Variants in TMCC3 observed in about 807,000 individuals in gnomAD.
The protein encoded by TMCC3 is transmembrane and coiled-coil domain protein 3.
TMCC3 carries 28 observed loss-of-function variants against 40.2 expected under a neutral mutation model. The ratio of observed to expected loss-of-function variants is 0.70; its 90% CI spans 0.52 to 0.95. The LOEUF (loss-of-function observed/expected upper bound fraction) is 0.95. Among genes scored for constraint, TMCC3 ranks in the 40% least tolerant of loss-of-function variants. The pLI, the probability that TMCC3 is intolerant of heterozygous loss-of-function variation, is 0.00. For synonymous variants in TMCC3, 255 were observed against 248.5 expected (o/e 1.03, Z -0.25); for missense variants, 554 against 615.2 (o/e 0.90, Z 1.05).
In TMCC3 at chr12:94,582,204, C is replaced by T. The variant is rs768980566; in HGVS notation, c.413G>A (p.Arg138Gln). The T allele has an allele frequency of 8.1e-6, 13 of 1,614,154 alleles. No homozygotes were observed. Among genetic ancestry groups the T allele is most frequent in the African/African-American group, 1.3e-5 (1 of 75,026 alleles). ...QLQKKLEQYH[R>Q]KLREIEQNGA... ...ATTCTGCTCGATCTCTCTGAGCTTT[C>T]GATGATACTGCTCTAACTTCTTCTG... Residue 138 changes from arginine to glutamine, a missense_variant, in exon 2 of 4, where the codon CGA (arginine) becomes CAA (glutamine). Transcript: ENST00000261226.
intron 1 of TMCC3, among the ~76,000 whole-genome samples, chr12:94,592,916 G>A (rs1226123467): frequency 1.3e-5 from 2 of 151,946 alleles, no homozygotes; most frequent in Middle Eastern, 3.2e-3. Flanking sequence ...ATTATCTTCG[G>A]CCAGGCGCGG....
intron 1 of TMCC3, among the ~76,000 whole-genome samples, chr12:94,597,120 A>AAAAAAAAAAATATATATATATAT (rs2068719307): frequency 1.8e-4 from 1 of 5,486 alleles, no homozygotes; most frequent in African/African-American, 4.5e-4. Flanking sequence ...TCTCTATTAA[A>AAAAAAAAAAATATATATATATAT]ATACATATAT....
chr12:94,628,162 A>C (rs567494983), intron 1 of TMCC3, among the ~76,000 whole-genome samples: 296 of 152,340 alleles, frequency 1.9e-3, no homozygotes, highest in Non-Finnish European at 3.0e-3. Flanking sequence ...AAGGTGCCCG[A>C]GTGACTCCTT....
At chr12:94,607,732 C>T (rs1327849880) in intron 1 of TMCC3, among the ~76,000 whole-genome samples, 1 of 152,122 alleles carries the variant, frequency 6.6e-6, no homozygotes, top group Non-Finnish European at 1.5e-5. Flanking sequence ...TAATTAGATG[C>T]CAAGGATTGC....
intron 1 of TMCC3, among the ~76,000 whole-genome samples, chr12:94,637,452 T>C (rs12314849): frequency 0.37 from 55,687 of 152,112 alleles, 10,284 homozygotes; most frequent in East Asian, 0.4. Context: ...GTTGAAAACA[T>C]GCTGTGTCCG....
intron 1 of TMCC3, among the ~76,000 whole-genome samples, chr12:94,596,078 T>A (rs902387677): frequency 1.3e-5 from 2 of 152,214 alleles, no homozygotes; most frequent in African/African-American, 4.8e-5. Context: ...TTCCCTAAAG[T>A]GTGAAATACT....
rs10545928 is a variant in TMCC3 at position 94,599,556 on chromosome 12, ACC to A, written c.79-17020_79-17019del. 3.4e-4 allele frequency among the ~76,000 whole-genome samples: 24 copies of A among 69,570 alleles called. No homozygotes were observed. In the South Asian group the frequency reaches 8.3e-3, roughly 24 times the overall value. 45.6% of individuals were successfully genotyped at this position (69,570 alleles called of 152,430 possible). A position where few individuals can be genotyped will look rare whatever the true frequency, so the allele number is the denominator to read the frequency against. ...ACAGGAAAGATAATTTTTAAAAGATACCCCCCCCCCCGCCCACACACACACAC... is the reference window on the plus strand; with the variant it reads ...ACAGGAAAGATAATTTTTAAAAGATACCCCCCCCCGCCCACACACACACAC... On this transcript the variant is annotated intron_variant, in intron 1 of 3. Transcript: ENST00000261226.
intron 1 of TMCC3, among the ~76,000 whole-genome samples, chr12:94,602,729 A>T (rs997932098): frequency 2.0e-5 from 3 of 152,162 alleles, no homozygotes; most frequent in Non-Finnish European, 4.4e-5. Context: ...CCGAGGCTAC[A>T]GGAGTGCACC....
At chr12:94,599,556 A>AAACCCC (rs2068739134) in intron 1 of TMCC3, among the ~76,000 whole-genome samples, 1 of 69,508 alleles carries the variant, frequency 1.4e-5, no homozygotes. Flanking sequence ...TTTAAAAGAT[A>AAACCCC]CCCCCCCCCC....
At chr12:94,599,559 C>G (rs534845715) in intron 1 of TMCC3, among the ~76,000 whole-genome samples, 11 of 94,458 alleles carry the variant, frequency 1.2e-4, no homozygotes, top group Admixed American at 6.8e-4. Context: ...AAAAGATACC[C>G]CCCCCCCCGC....
rs144103900 is a variant in TMCC3 at position 94,582,311 on chromosome 12, G to A, written c.306C>T (p.Asn102=). 1.6e-4 allele frequency: 266 copies of A among 1,613,880 alleles called. No homozygotes were observed. The highest frequency in any genetic ancestry group is 2.0e-4 in the Non-Finnish European group (231 of 1,180,006). ...TACGTCCCGCCTGCTGCTTGTCTGC[G>A]TTGTTCACTAGTTTCAGATACTCCG... ...NVAEYLKLVN[N]ADKQQAGRIK... is the part of the protein sequence containing the mutation. The change falls in exon 2 of 4, where the codon AAC becomes AAT. Residue 102 remains asparagine (N), a synonymous_variant. Transcript: ENST00000261226.
At chr12:94,637,682 A>T (rs1034564305) in intron 1 of TMCC3, among the ~76,000 whole-genome samples, 1 of 152,234 alleles carries the variant, frequency 6.6e-6, no homozygotes, top group African/African-American at 2.4e-5. Context: ...TGCAAAAATA[A>T]GTAATGACCA....
intron 1 of TMCC3, among the ~76,000 whole-genome samples, chr12:94,633,776 GA>G (rs1183131661): frequency 6.6e-6 from 1 of 152,036 alleles, no homozygotes; most frequent in Non-Finnish European, 1.5e-5. Flanking sequence ...AATAAACTAA[GA>G]AGCAATTATT....
At chr12:94,571,887 C>CA (rs1344305883) in intron 3 of TMCC3, 150 bp from the exon 4 acceptor site, 11 of 722,804 alleles carry the variant, frequency 1.5e-5, no homozygotes, top group Non-Finnish European at 2.3e-5. Context: ...TGGTGATAGA[C>CA]AAAGATGTGG....
At chr12:94,647,536 C>T (rs946953361) in intron 1 of TMCC3, among the ~76,000 whole-genome samples, 1 of 152,162 alleles carries the variant, frequency 6.6e-6, no homozygotes, top group African/African-American at 2.4e-5. Context: ...AAAGATTAGT[C>T]GACTCTTCCC....
At chr12:94,616,190 C>A (rs1367008293) in intron 1 of TMCC3, 3 of 712,222 alleles carry the variant, frequency 4.2e-6, no homozygotes, top group Non-Finnish European at 5.2e-6. Context: ...CAAATGGGCT[C>A]TTTGTGCAGT....
chr12:94,640,067 C>A (rs1031040593), intron 1 of TMCC3, among the ~76,000 whole-genome samples: 1 of 152,218 alleles, frequency 6.6e-6, no homozygotes, highest in South Asian at 2.1e-4. Flanking sequence ...AACATAGAAT[C>A]ACAGTGAGCG....
intron 1 of TMCC3, among the ~76,000 whole-genome samples, chr12:94,644,156 G>A (rs1018125160): frequency 3.3e-5 from 5 of 152,152 alleles, no homozygotes; most frequent in South Asian, 2.1e-4. Flanking sequence ...CCAAGTCGAC[G>A]GAAGCAGTTG....
At chr12:94,632,296 T>C (rs1431140398) in intron 1 of TMCC3, among the ~76,000 whole-genome samples, 1 of 152,252 alleles carries the variant, frequency 6.6e-6, no homozygotes, top group African/African-American at 2.4e-5. Context: ...TTACTGTATG[T>C]AAATTTATCT....
Sources: gnomAD v4.1 joint callset for allele counts (sites outside exome capture counted in the v4.1 genomes callset) on GRCh38, gnomAD v4.1.1 for gene constraint, MANE v1.5 for transcripts, NCBI Gene and HGNC (gene_info 2026-07-23, HGNC 2026-07-21) for gene names.